SMYD3: variants seen among roughly 807,000 people sequenced by gnomAD.
SMYD3 encodes SET and MYND domain containing 3.
In SMYD3, 36 loss-of-function variants were observed where a neutral mutation model predicts 57.7. The ratio of observed to expected loss-of-function variants is 0.62; its 90% CI spans 0.48 to 0.82. SMYD3 has a LOEUF of 0.82. Among genes scored for constraint, SMYD3 ranks in the 40% least tolerant of loss-of-function variants. The probability of loss-of-function intolerance (pLI) is 0.00; values close to 1 mark genes in which losing one functional copy is unlikely to be tolerated. For missense variants in SMYD3, 515 were observed against 538.8 expected (o/e 0.96, Z 0.44); for synonymous variants, 211 against 195.0 (o/e 1.08, Z -0.68).
chr1:245,872,348 G>A (rs368608807), intron 8 of SMYD3, among the ~76,000 whole-genome samples: 2 of 152,020 alleles, frequency 1.3e-5, no homozygotes, highest in Non-Finnish European at 2.9e-5. Flanking sequence ...CAAAGTTCCC[G>A]CCTCCTGCTG....
chr1:246,225,574 C>T (rs949997351), intron 5 of SMYD3, among the ~76,000 whole-genome samples: 3 of 152,078 alleles, frequency 2.0e-5, no homozygotes, highest in South Asian at 2.1e-4. Context: ...AGAGCGAGCC[C>T]GCACCAGCAC....
chr1:245,915,038 A>G (rs1265567048), intron 8 of SMYD3, among the ~76,000 whole-genome samples: 3 of 152,186 alleles, frequency 2.0e-5, no homozygotes, highest in Non-Finnish European at 4.4e-5. Context: ...CAGTTTCATG[A>G]CTGGGTTTGT....
chr1:246,127,945 T>C (rs1190167033), intron 5 of SMYD3, among the ~76,000 whole-genome samples: 1 of 150,992 alleles, frequency 6.6e-6, no homozygotes, highest in Non-Finnish European at 1.5e-5. Flanking sequence ...GGAGAGGAGA[T>C]TATATAGCTA....
chr1:246,416,280 T>A (rs1167269868), intron 1 of SMYD3, among the ~76,000 whole-genome samples: 3 of 152,246 alleles, frequency 2.0e-5, no homozygotes, highest in South Asian at 2.1e-4. Context: ...AATTTATAGG[T>A]TGGAACAAGA....
chr1:245,858,908 G>A (rs536039841), intron 9 of SMYD3, among the ~76,000 whole-genome samples: 1 of 152,278 alleles, frequency 6.6e-6, no homozygotes, highest in African/African-American at 2.4e-5. Context: ...GTGCTTTGGA[G>A]TTTTAAAACT....
chr1:246,505,553 C>G (rs2068524671), intron 1 of SMYD3, among the ~76,000 whole-genome samples: 1 of 129,352 alleles, frequency 7.7e-6, no homozygotes, highest in African/African-American at 3.3e-5. Flanking sequence ...GCTACTTTTG[C>G]AGTGCAATCC....
intron 1 of SMYD3, among the ~76,000 whole-genome samples, chr1:246,362,702 A>G (rs1331610888): frequency 6.6e-6 from 1 of 152,242 alleles, no homozygotes; most frequent in Non-Finnish European, 1.5e-5. Flanking sequence ...ACCGCGAGTG[A>G]TCCGCCAGCC....
intron 1 of SMYD3, among the ~76,000 whole-genome samples, chr1:246,491,342 A>G (rs2068266601): frequency 6.6e-6 from 1 of 152,210 alleles, no homozygotes; most frequent in African/African-American, 2.4e-5. Flanking sequence ...GTTCAAGACC[A>G]GCCTGGCCAA....
chr1:245,973,560 G>A (rs1250161651), intron 5 of SMYD3, among the ~76,000 whole-genome samples: 5 of 152,174 alleles, frequency 3.3e-5, no homozygotes, highest in Non-Finnish European at 7.4e-5. Context: ...AAAAGGAGAG[G>A]AACAAAACCT....
chr1:245,884,196 T>A (rs1215085573), intron 8 of SMYD3, among the ~76,000 whole-genome samples: 1 of 152,164 alleles, frequency 6.6e-6, no homozygotes, highest in South Asian at 2.1e-4. Flanking sequence ...GAAGTCTATT[T>A]CTCCCAATCT....
chr1:245,807,936 T>C (rs2048274212), intron 10 of SMYD3, among the ~76,000 whole-genome samples: 1 of 152,212 alleles, frequency 6.6e-6, no homozygotes, highest in African/African-American at 2.4e-5. Flanking sequence ...TTTTTAATAG[T>C]CGTTATGATT....
chr1:246,014,527 G>A (rs2059343273), intron 5 of SMYD3, among the ~76,000 whole-genome samples: 1 of 152,126 alleles, frequency 6.6e-6, no homozygotes, highest in South Asian at 2.1e-4. Flanking sequence ...GTTAATCACA[G>A]CCGCATTATT....
At chr1:246,431,301 T>G (rs1449732569) in intron 1 of SMYD3, among the ~76,000 whole-genome samples, 1 of 152,258 alleles carries the variant, frequency 6.6e-6, no homozygotes, top group African/African-American at 2.4e-5. Flanking sequence ...CACAAATTGA[T>G]CTTTTGCTTT....
intron 8 of SMYD3, among the ~76,000 whole-genome samples, chr1:245,886,366 G>A (rs1251854501): frequency 6.6e-6 from 1 of 152,030 alleles, no homozygotes; most frequent in African/African-American, 2.4e-5. Context: ...TGTCAACAAA[G>A]GTTGAAAGAA....
chr1:246,058,348 G>A (rs2060189531), intron 5 of SMYD3, among the ~76,000 whole-genome samples: 1 of 152,032 alleles, frequency 6.6e-6, no homozygotes. Context: ...GGGCAGGAGG[G>A]ATATGAGAAA....
chr1:246,330,644 A>G lies in SMYD3; in HGVS notation c.337-107T>C, dbSNP rs577206181. ...ATTTAAATGAAAGTCCATCAAAAAG[A>G]ACATTTTCTATATATTCTTTCTATT... On this transcript the variant is annotated intron_variant, in intron 3 of 11. Coordinates refer to ENST00000490107, the MANE Select transcript of SMYD3 (RefSeq NM_001167740.2). The G allele has an allele frequency of 3.9e-5, 33 of 848,794 alleles. No homozygotes were observed. The South Asian group carries it at 8.1e-4, about 21-fold the overall frequency. 52.6% of individuals were successfully genotyped at this position (848,794 alleles called of 1,614,324 possible). A position where few individuals can be genotyped will look rare whatever the true frequency, so the allele number is the denominator to read the frequency against.
intron 5 of SMYD3, among the ~76,000 whole-genome samples, chr1:246,291,591 C>G (rs2064692093): frequency 6.6e-6 from 1 of 152,146 alleles, no homozygotes; most frequent in African/African-American, 2.4e-5. Context: ...AGAACACTTG[C>G]AATAGCAATG....
chr1:246,204,737 GTCCATT>G (rs1225807292), intron 5 of SMYD3, among the ~76,000 whole-genome samples: 1 of 152,060 alleles, frequency 6.6e-6, no homozygotes, highest in East Asian at 1.9e-4. Flanking sequence ...TACCCAAAAG[GTCCATT>G]TATCTGCATG....
intron 5 of SMYD3, among the ~76,000 whole-genome samples, chr1:246,110,101 T>A (rs1191020773): frequency 3.3e-5 from 5 of 152,174 alleles, no homozygotes; most frequent in Non-Finnish European, 7.3e-5. Flanking sequence ...ACCAAAACTG[T>A]GAAACTCTCG....
Sources: gnomAD v4.1 joint callset for allele counts (sites outside exome capture counted in the v4.1 genomes callset) on GRCh38, gnomAD v4.1.1 for gene constraint, MANE v1.5 for transcripts, NCBI Gene and HGNC (gene_info 2026-07-23, HGNC 2026-07-21) for gene names.